Variants in NRG3 observed in about 807,000 individuals in gnomAD.
NRG3 encodes pro-neuregulin-3, membrane-bound isoform.
A neutral mutation model predicts 66.9 loss-of-function variants in NRG3; 31 were observed. That is an observed-to-expected ratio of 0.46 (90% CI 0.35 to 0.63). The LOEUF is 0.63. NRG3 is among the 20% of genes least tolerant of loss of function. The pLI is 0.00. For synonymous variants in NRG3, 393 were observed against 359.4 expected, an observed-to-expected ratio of 1.09 and a Z score of -1.06; for missense variants, 910 against 878.9, an observed-to-expected ratio of 1.04 and a Z score of -0.45.
intron 1 of NRG3, among the ~76,000 whole-genome samples, chr10:82,085,926 C>T (rs971336586): frequency 1.4e-4 from 22 of 152,130 alleles, no homozygotes; most frequent in African/African-American, 5.3e-4. Context: ...GCATGAGCCA[C>T]CGCTCCTGAC....
At chr10:81,946,420 G>T (rs1248220053) in intron 1 of NRG3, among the ~76,000 whole-genome samples, 1 of 152,044 alleles carries the variant, frequency 6.6e-6, no homozygotes, top group African/African-American at 2.4e-5. Context: ...TAATATAGAT[G>T]GTGGTTTTAT....
At chr10:82,010,159 A>G (rs928590834) in intron 1 of NRG3, among the ~76,000 whole-genome samples, 4 of 152,228 alleles carry the variant, frequency 2.6e-5, no homozygotes, top group Admixed American at 6.5e-5. Flanking sequence ...ATGTTTAACC[A>G]TCAAGTGACA....
At chr10:82,140,760 GAGAA>G (rs1481006120) in intron 1 of NRG3, among the ~76,000 whole-genome samples, 2 of 151,982 alleles carry the variant, frequency 1.3e-5, no homozygotes, top group East Asian at 3.9e-4. Flanking sequence ...TAAAAGAAAA[GAGAA>G]AGAAATAAAA....
intron 2 of NRG3, among the ~76,000 whole-genome samples, chr10:82,651,180 A>G (rs765415844): frequency 1.7e-4 from 26 of 152,198 alleles, no homozygotes; most frequent in Non-Finnish European, 3.5e-4. Flanking sequence ...GAAGAAGATG[A>G]CATGGACTAA....
chr10:82,339,823 G>T (rs2082587186), intron 1 of NRG3, among the ~76,000 whole-genome samples: 1 of 151,762 alleles, frequency 6.6e-6, no homozygotes, highest in Non-Finnish European at 1.5e-5. Context: ...CATCTGCCAT[G>T]TCTAGGAAGT....
intron 6 of NRG3, among the ~76,000 whole-genome samples, chr10:82,966,456 A>G (rs1245072443): frequency 1.3e-5 from 2 of 152,154 alleles, no homozygotes; most frequent in African/African-American, 4.8e-5. Context: ...TGCCATTTTT[A>G]TTATGTCATA....
chr10:82,116,785 C>T (rs1314779277), intron 1 of NRG3, among the ~76,000 whole-genome samples: 2 of 152,114 alleles, frequency 1.3e-5, no homozygotes, highest in East Asian at 3.9e-4. Context: ...TTCACCCAGT[C>T]CATCTCCCTC....
At chr10:82,655,452 C>T (rs1165184023) in intron 2 of NRG3, among the ~76,000 whole-genome samples, 5 of 152,044 alleles carry the variant, frequency 3.3e-5, no homozygotes, top group African/African-American at 4.8e-5. Context: ...TTCTTTTTTT[C>T]GGGTGTGGAA....
chr10:82,559,936 T>A (rs2132996908), intron 2 of NRG3, among the ~76,000 whole-genome samples: 1 of 152,106 alleles, frequency 6.6e-6, no homozygotes, highest in Non-Finnish European at 1.5e-5. Flanking sequence ...AATTTACAAG[T>A]TTTGTTTTGC....
intron 6 of NRG3, among the ~76,000 whole-genome samples, chr10:82,961,417 C>T (rs997773817): frequency 1.3e-5 from 2 of 152,128 alleles, no homozygotes; most frequent in South Asian, 2.1e-4. Context: ...TCATTTAGTT[C>T]TAACAATTAA....
At position 82,301,026 on chromosome 10, in the gene NRG3, G is replaced by C. The variant is rs183961456; in HGVS notation, c.824-57713G>C. Among the ~76,000 whole-genome samples, 10 of 152,262 alleles carry C rather than the reference G, an allele frequency of 6.6e-5. No homozygotes were observed. The East Asian group carries it at 1.9e-3, about 29-fold the overall frequency. ...AACAACTTTTAAAGATAATGTTCCT[G>C]TCCTTAAAATGAGGAGATTAAATGT... On this transcript the variant is annotated intron_variant, in intron 1 of 8. Coordinates refer to ENST00000372141, the MANE Select transcript of NRG3 (RefSeq NM_001010848.4).
At chr10:82,507,128 T>C (rs147806279) in intron 2 of NRG3, among the ~76,000 whole-genome samples, 1 of 152,314 alleles carries the variant, frequency 6.6e-6, no homozygotes, top group African/African-American at 2.4e-5. Context: ...TAAAACCTTG[T>C]ATAATGATTT....
intron 1 of NRG3, among the ~76,000 whole-genome samples, chr10:82,102,183 T>A (rs1363229998): frequency 1.4e-5 from 2 of 141,864 alleles, no homozygotes; most frequent in African/African-American, 5.2e-5. Context: ...TAATGTCTTC[T>A]TGGGTAATTG....
Position 82,018,886 on chromosome 10 carries a change from G to A in NRG3, c.823+142723G>A, listed in dbSNP as rs191503602. ...TACAATCATGTCATCTGCAAACAGG[G>A]ACAATTTGACTTCCTCTTTTCCTAA... On this transcript the variant is annotated intron_variant, in intron 1 of 8. Coordinates refer to ENST00000372141, the MANE Select transcript of NRG3 (RefSeq NM_001010848.4). Among the ~76,000 whole-genome samples, 595 of 152,230 alleles carry A rather than the reference G, an allele frequency of 3.9e-3. 4 individuals carry two copies. Among genetic ancestry groups the A allele is most frequent in the African/African-American group, 0.013 (524 of 41,530 alleles).
At chr10:82,854,103 C>T (rs773298081) in intron 3 of NRG3, among the ~76,000 whole-genome samples, 20 of 152,032 alleles carry the variant, frequency 1.3e-4, no homozygotes, top group Middle Eastern at 3.2e-3. Flanking sequence ...GCACTAGAGG[C>T]GGAAGAAAAT....
chr10:82,407,985 C>A (rs1590020219), intron 2 of NRG3, among the ~76,000 whole-genome samples: 2 of 148,972 alleles, frequency 1.3e-5, no homozygotes, highest in South Asian at 2.2e-4. Context: ...AGGAGAATTG[C>A]TTGAGGTGAG....
chr10:82,903,520 C>T (rs532239813), intron 4 of NRG3, among the ~76,000 whole-genome samples: 34 of 152,154 alleles, frequency 2.2e-4, no homozygotes, highest in African/African-American at 8.0e-4. Context: ...TTGATATATA[C>T]CGTGGATTGA....
chr10:82,503,813 G>A (rs914535678), intron 2 of NRG3, among the ~76,000 whole-genome samples: 6 of 152,128 alleles, frequency 3.9e-5, no homozygotes, highest in African/African-American at 1.4e-4. Flanking sequence ...TACTACTTAT[G>A]AGACCAGTGC....
intron 4 of NRG3, among the ~76,000 whole-genome samples, chr10:82,946,466 G>A (rs1015398884): frequency 6.6e-6 from 1 of 151,892 alleles, no homozygotes; most frequent in South Asian, 2.1e-4. Context: ...TTGAACCCAA[G>A]ACAGGGATGT....
Sources: allele counts gnomAD v4.1 joint callset (sites outside exome capture counted in the v4.1 genomes callset), GRCh38; gene constraint gnomAD v4.1.1; transcripts MANE v1.5; gene names NCBI Gene and HGNC (gene_info 2026-07-23, HGNC 2026-07-21).